The following NAA60 variants were observed in gnomAD, a reference collection of about 807,000 sequenced individuals.
NAA60 encodes N-alpha-acetyltransferase 60, NatF catalytic subunit.
NAA60 carries 8 observed loss-of-function variants against 26.1 expected under a neutral mutation model. The observed-to-expected ratio is 0.31, with a 90% CI of 0.18 to 0.55. The LOEUF (loss-of-function observed/expected upper bound fraction) is 0.55. NAA60 is among the 20% of genes least tolerant of loss of function. The pLI is 0.93. For synonymous variants in NAA60, 131 were observed against 122.5 expected (o/e 1.07, Z -0.46); for missense variants, 290 against 311.3 (o/e 0.93, Z 0.51).
chr16:3,448,583 A>C (rs779603801), intron 2 of NAA60, 43 bp downstream of exon 2: 2 of 1,483,204 alleles, frequency 1.3e-6, no homozygotes. Context: ...TGATGCCCTC[A>C]TAGTCAGAGG....
At chr16:3,478,902 A>G (rs960799419) in intron 3 of NAA60, among the ~76,000 whole-genome samples, 1 of 152,072 alleles carries the variant, frequency 6.6e-6, no homozygotes, top group South Asian at 2.1e-4. Flanking sequence ...CTGACTCTCC[A>G]TGAGTTGCTT....
In NAA60 at chr16:3,443,762, A is replaced by C; in HGVS notation, c.-152A>C. 6.5e-7 allele frequency: 1 copy of C among 1,532,848 alleles called. No homozygotes were observed. Among genetic ancestry groups the C allele is most frequent in the Non-Finnish European group, 8.7e-7 (1 of 1,145,374 alleles). The allele number at this position is 1,532,848 out of a possible 1,614,324, so 95.0% of individuals were successfully genotyped here. ...AGAGTCTTAGGGTGACCCCAGGGGG[A>C]CGTAATGTTTCCGAGAAGAAGGACA... On this transcript the variant is annotated 5_prime_UTR_variant, in exon 1 of 8. Transcript: ENST00000407558.
At chr16:3,465,670 C>G (rs2035710834) in intron 2 of NAA60, among the ~76,000 whole-genome samples, 1 of 152,058 alleles carries the variant, frequency 6.6e-6, no homozygotes, top group African/African-American at 2.4e-5. Context: ...TCTGTGTGAC[C>G]CCTGCGGTGG....
chr16:3,453,637 A>G (rs995699138), intron 2 of NAA60, among the ~76,000 whole-genome samples: 8 of 151,928 alleles, frequency 5.3e-5, no homozygotes, highest in African/African-American at 1.7e-4. Flanking sequence ...CGAACTCCCA[A>G]CCTCAGGTGA....
intron 2 of NAA60, among the ~76,000 whole-genome samples, chr16:3,461,385 C>G (rs1022968808): frequency 1.3e-5 from 2 of 152,034 alleles, no homozygotes; most frequent in African/African-American, 4.8e-5. Flanking sequence ...CCAGTCACCC[C>G]AAGGTGCCAC....
At chr16:3,480,335 G>T (rs1596354749) in intron 4 of NAA60, among the ~76,000 whole-genome samples, 1 of 152,122 alleles carries the variant, frequency 6.6e-6, no homozygotes. Context: ...AGTGGCTCAT[G>T]CCTGTAATCT....
intron 2 of NAA60, among the ~76,000 whole-genome samples, chr16:3,461,003 A>G (rs2035354551): frequency 6.6e-6 from 1 of 151,864 alleles, no homozygotes; most frequent in South Asian, 2.1e-4. Context: ...CCTGGCCTCA[A>G]GCCATCCTCC....
intron 4 of NAA60, 94 bp downstream of exon 4, chr16:3,479,694 G>A (rs1293880855): frequency 4.3e-5 from 62 of 1,441,984 alleles, no homozygotes; most frequent in Admixed American, 2.1e-4. Flanking sequence ...CTCCACAGCC[G>A]TCGTCCAAGG....
chr16:3,480,816 G>A (rs962666420), intron 4 of NAA60, among the ~76,000 whole-genome samples: 1 of 152,178 alleles, frequency 6.6e-6, no homozygotes, highest in African/African-American at 2.4e-5. Context: ...TGAGGCACAA[G>A]AATCACTTGA....
upstream of NAA60, chr16:3,443,619 A>G: frequency 1.2e-6 from 1 of 835,492 alleles, no homozygotes; most frequent in Non-Finnish European, 1.7e-6. Context: ...TTAACCGAGG[A>G]CCTGTAGCCA....
chr16:3,462,642 G>A (rs904536958), intron 2 of NAA60: 1 of 151,974 alleles, frequency 6.6e-6, no homozygotes, highest in Non-Finnish European at 1.5e-5. Context: ...AACATAACCT[G>A]TACATCCCCA....
rs2151004028 is a variant in NAA60 at position 3,476,215 on chromosome 16, C to T, written c.-6-7C>T. ...AGGTGACGCGTCCCCCCCACCCTTC[C>T]CCACAGGTGTGAATGACAGAGGTGG... On this transcript the variant is annotated splice_polypyrimidine_tract_variant and splice_region_variant and intron_variant, in intron 2 of 7. Transcript: ENST00000407558. 5 of 1,603,214 alleles carry T rather than the reference C, an allele frequency of 3.1e-6. No individual in the cohort carries two copies. Among genetic ancestry groups the T allele is most frequent in the Non-Finnish European group, 4.3e-6 (5 of 1,173,216 alleles).
Position 3,479,502 on chromosome 16 carries a change from T to A in NAA60, c.142T>A (p.Ser48Thr). 1 of 1,614,050 alleles carries A rather than the reference T, an allele frequency of 6.2e-7. No individual in the cohort carries two copies. ...AGACTCATGGTATCGTGATATCACA[T>A]CCAACAAGAAGTTCTTTTCCCTTGC... ...YPDSWYRDIT[S>T]NKKFFSLAAT... The change falls in exon 4 of 8, where the codon TCC (serine) becomes ACC (threonine). Residue 48 changes from serine (S) to threonine (T), a missense_variant. Coordinates refer to ENST00000407558, the MANE Select transcript of NAA60 (RefSeq NM_001083601.3).
At chr16:3,483,274 G>C in intron 5 of NAA60, 89 bp from the exon 6 acceptor site, 2 of 952,358 alleles carry the variant, frequency 2.1e-6, no homozygotes, top group Non-Finnish European at 3.3e-6. Flanking sequence ...AGACATCTCC[G>C]AGAGACTCAT....
intron 2 of NAA60, among the ~76,000 whole-genome samples, chr16:3,466,305 T>C (rs913460143): frequency 5.9e-5 from 9 of 152,298 alleles, no homozygotes; most frequent in Non-Finnish European, 1.0e-4. Flanking sequence ...AGAGGCTGTT[T>C]GGAAATAGAG....
intron 2 of NAA60, among the ~76,000 whole-genome samples, chr16:3,473,115 AACCTCTGCC>A (rs1323309114): frequency 1.3e-5 from 2 of 152,138 alleles, no homozygotes; most frequent in African/African-American, 4.8e-5. Flanking sequence ...AGCTCACTGC[AACCTCTGCC>A]ACCCGGGTTC....
At chr16:3,458,531 C>T (rs1250431820) in intron 2 of NAA60, among the ~76,000 whole-genome samples, 1 of 152,164 alleles carries the variant, frequency 6.6e-6, no homozygotes. Flanking sequence ...CATGGGTACC[C>T]TGTGGGGTGT....
At chr16:3,464,883 C>T (rs1159055168) in intron 2 of NAA60, among the ~76,000 whole-genome samples, 1 of 152,172 alleles carries the variant, frequency 6.6e-6, no homozygotes, top group Admixed American at 6.5e-5. Flanking sequence ...CTGTTGGCTC[C>T]GTCCAGCCCA....
At chr16:3,461,748 CCTTTG>C (rs1043887117) in intron 2 of NAA60, among the ~76,000 whole-genome samples, 2 of 152,028 alleles carry the variant, frequency 1.3e-5, no homozygotes, top group Non-Finnish European at 2.9e-5. Flanking sequence ...AGAAATGTTC[CCTTTG>C]CTTCCACAGA....
Sources: gnomAD v4.1 joint callset for allele counts (sites outside exome capture counted in the v4.1 genomes callset) on GRCh38, gnomAD v4.1.1 for gene constraint, MANE v1.5 for transcripts, NCBI Gene and HGNC (gene_info 2026-07-23, HGNC 2026-07-21) for gene names.